Variants in IFT43 observed in about 807,000 individuals in gnomAD.
IFT43 encodes the protein intraflagellar transport 43, also known as intraflagellar transport protein 43 homolog.
IFT43 carries 33 observed loss-of-function variants against 32.3 expected under a neutral mutation model. That is an observed-to-expected ratio of 1.02 (90% CI 0.77 to 1.37). The LOEUF is 1.37. Among genes scored for constraint, IFT43 ranks in the 40% most tolerant of loss-of-function variants. The pLI is 0.00. For synonymous variants in IFT43, 93 were observed against 98.2 expected, an observed-to-expected ratio of 0.95 and a Z score of 0.31; for missense variants, 274 against 265.9, an observed-to-expected ratio of 1.03 and a Z score of -0.21.
intron 3 of IFT43, among the ~76,000 whole-genome samples, chr14:76,044,997 G>A (rs1220668074): frequency 2.6e-5 from 4 of 152,178 alleles, no homozygotes; most frequent in Non-Finnish European, 5.9e-5. Flanking sequence ...TATGTTACTA[G>A]TGAGGTTTCC....
chr14:76,063,303 C>T (rs2037175807), intron 5 of IFT43, among the ~76,000 whole-genome samples: 1 of 152,336 alleles, frequency 6.6e-6, no homozygotes, highest in Non-Finnish European at 1.5e-5. Context: ...AGGTTGTGCT[C>T]AAGTCTGCCC....
chr14:76,015,270 G>A (rs566395751), intron 2 of IFT43, among the ~76,000 whole-genome samples: 1 of 152,282 alleles, frequency 6.6e-6, no homozygotes, highest in Non-Finnish European at 1.5e-5. Context: ...ATGTATGTAA[G>A]GACTTTCCCT....
At chr14:76,069,198 AAGAG>A (rs377508505) in intron 5 of IFT43, among the ~76,000 whole-genome samples, 1 of 151,880 alleles carries the variant, frequency 6.6e-6, no homozygotes, top group African/African-American at 2.4e-5. Flanking sequence ...AAGCAGGAGC[AAGAG>A]AGAGAGAGGG....
intron 2 of IFT43, among the ~76,000 whole-genome samples, chr14:76,005,678 G>A (rs146567170): frequency 2.0e-5 from 3 of 152,280 alleles, no homozygotes; most frequent in African/African-American, 7.2e-5. Context: ...CAATAAAATT[G>A]CAGCTTTCTG....
In IFT43 at chr14:76,058,442, A is replaced by G. The variant is rs901636112; in HGVS notation, c.216-200A>G. The stretch of plus-strand genomic sequence containing the variant: ...CAATCCAATTTGGAGTGAGGCTGAC[A>G]TAAAGCTGTAAGAAGGCACTACAGC... On this transcript the variant is annotated intron_variant, in intron 3 of 8. Coordinates refer to ENST00000314067, the MANE Select transcript of IFT43 (RefSeq NM_001102564.3). 1.1e-5 allele frequency: 6 copies of G among 548,746 alleles called. No homozygotes were observed. In the Admixed American group the frequency reaches 1.6e-4, roughly 14 times the overall value. The allele number at this position is 548,746 out of a possible 1,614,324, so 34.0% of individuals were successfully genotyped here. A position where few individuals can be genotyped will look rare whatever the true frequency, so the allele number is the denominator to read the frequency against.
At chr14:76,037,355 A>G (rs2036619418) in intron 3 of IFT43, among the ~76,000 whole-genome samples, 1 of 152,160 alleles carries the variant, frequency 6.6e-6, no homozygotes, top group Non-Finnish European at 1.5e-5. Flanking sequence ...GTGAGTCTCC[A>G]CTTTATAGCG....
chr14:76,020,542 C>G (rs1264245223), intron 2 of IFT43, among the ~76,000 whole-genome samples: 3 of 151,422 alleles, frequency 2.0e-5, no homozygotes, highest in African/African-American at 7.3e-5. Context: ...ATAGATGTAT[C>G]TATGGTGTTG....
rs1312214881 is a variant in IFT43, at chr14:76,018,299, C to T, written c.148-4028C>T. Among the ~76,000 whole-genome samples the T allele has an allele frequency of 1.3e-5, 2 of 151,864 alleles. 1 individual carries two copies. The highest frequency in any genetic ancestry group is 4.8e-5 in the African/African-American group (2 of 41,354). ...TTTTTAATTTTCTTCTTAATTTCTT[C>T]ATTGATCCAGTGGTTGTTCAGGAGC... On this transcript the variant is annotated intron_variant, in intron 2 of 8. Coordinates refer to ENST00000314067, the MANE Select transcript of IFT43 (RefSeq NM_001102564.3).
intron 5 of IFT43, among the ~76,000 whole-genome samples, chr14:76,060,059 A>G (rs2037101387): frequency 6.6e-6 from 1 of 152,196 alleles, no homozygotes. Flanking sequence ...GGCTAGCTAT[A>G]TAAACGCAGG....
intron 3 of IFT43, among the ~76,000 whole-genome samples, chr14:76,044,152 G>T (rs2036760143): frequency 6.6e-6 from 1 of 150,794 alleles, no homozygotes; most frequent in Admixed American, 6.6e-5. Flanking sequence ...CGCCCTATGT[G>T]CCTCAGCCTC....
intron 3 of IFT43, among the ~76,000 whole-genome samples, chr14:76,047,953 A>G (rs1329576192): frequency 2.6e-5 from 4 of 152,086 alleles, no homozygotes; most frequent in South Asian, 2.1e-4. Context: ...CTGAGGAGCT[A>G]TGGAGTCTGG....
At chr14:76,082,127 G>A (rs574570965) in intron 5 of IFT43, 168 bp from the exon 6 acceptor site, 15 of 160,680 alleles carry the variant, frequency 9.3e-5, no homozygotes, top group African/African-American at 2.9e-4. Context: ...TTCAGACATC[G>A]TTGAAACTCC....
intron 3 of IFT43, chr14:76,038,024 AAC>A (rs1056210393): frequency 2.0e-5 from 3 of 152,222 alleles, no homozygotes; most frequent in African/African-American, 7.2e-5. Context: ...GTTTTCAAGA[AAC>A]ACAAAACAAA....
intron 1 of IFT43, 176 bp from the exon 2 acceptor site, chr14:75,988,709 G>A (rs1417691065): frequency 2.8e-5 from 9 of 317,082 alleles, no homozygotes; most frequent in Admixed American, 6.5e-5. Flanking sequence ...TAGTAGAGAC[G>A]GGGTTTCACC....
chr14:76,037,366 C>T (rs1271357998), intron 3 of IFT43, among the ~76,000 whole-genome samples: 1 of 152,140 alleles, frequency 6.6e-6, no homozygotes, highest in Non-Finnish European at 1.5e-5. Context: ...CTTTATAGCG[C>T]CCATCAGACT....
chr14:76,005,598 G>A (rs564525221), intron 2 of IFT43, among the ~76,000 whole-genome samples: 10 of 152,232 alleles, frequency 6.6e-5, no homozygotes, highest in African/African-American at 2.4e-4. Flanking sequence ...TGTATTTGGG[G>A]GCTCCCTTCT....
chr14:76,042,038 G>C (rs1158941708), intron 3 of IFT43, among the ~76,000 whole-genome samples: 1 of 151,990 alleles, frequency 6.6e-6, no homozygotes, highest in African/African-American at 2.4e-5. Flanking sequence ...TGGCTTCCAC[G>C]AAAGTGCTGC....
intron 5 of IFT43, among the ~76,000 whole-genome samples, chr14:76,074,964 T>C (rs968392459): frequency 6.6e-6 from 1 of 152,208 alleles, no homozygotes; most frequent in African/African-American, 2.4e-5. Flanking sequence ...TCTTAAGGTC[T>C]GTGATCTTTT....
intron 3 of IFT43, among the ~76,000 whole-genome samples, chr14:76,036,892 A>T (rs777970774): frequency 6.0e-5 from 9 of 151,046 alleles, no homozygotes; most frequent in Admixed American, 6.6e-5. Context: ...CAGTGGCACG[A>T]TCATAGCTCA....
Sources: allele counts gnomAD v4.1 joint callset (sites outside exome capture counted in the v4.1 genomes callset), GRCh38; gene constraint gnomAD v4.1.1; transcripts MANE v1.5; gene names NCBI Gene and HGNC (gene_info 2026-07-23, HGNC 2026-07-21).